The following RALY variants were observed in gnomAD, a reference collection of about 807,000 sequenced individuals.
The protein encoded by RALY is RNA-binding protein Raly.
Under a neutral mutation model 30.7 loss-of-function variants are expected in RALY, and 15 were observed. The observed-to-expected ratio is 0.49, with a 90% CI of 0.33 to 0.75. RALY has a LOEUF of 0.75. Ranked by LOEUF, RALY falls within the 30% of genes least tolerant of loss-of-function variation. RALY has a pLI of 0.02. For synonymous variants in RALY, 177 were observed against 170.8 expected, an observed-to-expected ratio of 1.04 and a Z score of -0.28; for missense variants, 339 against 414.3, an observed-to-expected ratio of 0.82 and a Z score of 1.58.
chr20:34,048,222 T>C (rs2032951448), intron 2 of RALY, among the ~76,000 whole-genome samples: 1 of 152,164 alleles, frequency 6.6e-6, no homozygotes, highest in Non-Finnish European at 1.5e-5. Context: ...TCACCTACGA[T>C]TTATTCTTGG....
At chr20:33,997,057 G>C (rs2030668189) in intron 1 of RALY, among the ~76,000 whole-genome samples, 1 of 152,132 alleles carries the variant, frequency 6.6e-6, no homozygotes, top group Admixed American at 6.5e-5. Context: ...TTGATGTTCT[G>C]TATCACTGAA....
chr20:34,048,406 T>C (rs2032958972), intron 2 of RALY, among the ~76,000 whole-genome samples: 1 of 152,142 alleles, frequency 6.6e-6, no homozygotes, highest in Admixed American at 6.5e-5. Flanking sequence ...CTAAGTCTCA[T>C]ATGCTTTTAA....
At chr20:34,077,338 C>T in intron 8 of RALY, 93 bp downstream of exon 8, 1 of 1,566,370 alleles carries the variant, frequency 6.4e-7, no homozygotes, top group Non-Finnish European at 8.7e-7. Context: ...CTGGTTGCCC[C>T]CACTGTGAAC....
At chr20:34,013,019 C>T (rs533631882) in intron 1 of RALY, among the ~76,000 whole-genome samples, 1 of 152,316 alleles carries the variant, frequency 6.6e-6, no homozygotes, top group South Asian at 2.1e-4. Flanking sequence ...AGTCTGTTTT[C>T]ACTTTCAGTA....
At chr20:34,072,959 T>TGTGTGTGTGTGTGA (rs142692706) in intron 3 of RALY, among the ~76,000 whole-genome samples, 3 of 148,892 alleles carry the variant, frequency 2.0e-5, no homozygotes, top group African/African-American at 7.5e-5. Context: ...TGTGTGTGTG[T>TGTGTGTGTGTGTGA]GAGAGAGAGA....
chr20:34,034,810 G>T (rs2032416769), intron 2 of RALY, among the ~76,000 whole-genome samples: 1 of 152,264 alleles, frequency 6.6e-6, no homozygotes, highest in Non-Finnish European at 1.5e-5. Flanking sequence ...CCATCTAGGG[G>T]TGAGAGCTGA....
At chr20:33,996,082 A>G (rs1235480881) in intron 1 of RALY, among the ~76,000 whole-genome samples, 3 of 152,216 alleles carry the variant, frequency 2.0e-5, no homozygotes, top group Non-Finnish European at 4.4e-5. Flanking sequence ...ATACTCTTCC[A>G]TAACCATTAT....
At chr20:34,049,470 C>A (rs529579456) in intron 2 of RALY, among the ~76,000 whole-genome samples, 4 of 152,256 alleles carry the variant, frequency 2.6e-5, no homozygotes, top group Admixed American at 6.5e-5. Context: ...TAATTAAGAA[C>A]CCCTGTAGTA....
chr20:34,026,565 A>G (rs4911144), intron 1 of RALY, among the ~76,000 whole-genome samples: 111,403 of 150,198 alleles, frequency 0.74, 41,743 homozygotes, highest in South Asian at 0.85. Flanking sequence ...AGCCATGCCC[A>G]GCTAATTTTT....
At chr20:34,070,780 C>T (rs1056422538) in intron 2 of RALY, among the ~76,000 whole-genome samples, 1 of 152,170 alleles carries the variant, frequency 6.6e-6, no homozygotes, top group Non-Finnish European at 1.5e-5. Context: ...TTGTATACCA[C>T]CCTTAGCCAC....
intron 2 of RALY, among the ~76,000 whole-genome samples, chr20:34,032,937 T>A (rs2032340552): frequency 6.6e-6 from 1 of 152,110 alleles, no homozygotes; most frequent in Admixed American, 6.6e-5. Context: ...TAGGGGTCCC[T>A]CTGAGCAGTG....
intron 5 of RALY, among the ~76,000 whole-genome samples, 164 bp from the exon 6 acceptor site, chr20:34,075,710 G>A (rs902453357): frequency 5.3e-5 from 8 of 152,122 alleles, no homozygotes; most frequent in East Asian, 1.9e-4. Context: ...ATCAGGGTCC[G>A]GCAAGCCCTT....
intron 2 of RALY, among the ~76,000 whole-genome samples, chr20:34,063,948 C>T (rs1012065466): frequency 2.6e-5 from 4 of 151,872 alleles, no homozygotes; most frequent in African/African-American, 9.7e-5. Flanking sequence ...TGGTAGATGT[C>T]GCCTGCTGGA....
intron 2 of RALY, among the ~76,000 whole-genome samples, chr20:34,069,485 C>G (rs1468483122): frequency 6.6e-6 from 1 of 152,180 alleles, no homozygotes; most frequent in South Asian, 2.1e-4. Context: ...GCTTGGTTGA[C>G]TCCCTCTAGC....
chr20:34,053,551 C>T (rs1324553728), intron 2 of RALY, among the ~76,000 whole-genome samples: 2 of 151,884 alleles, frequency 1.3e-5, no homozygotes, highest in Admixed American at 1.3e-4. Context: ...ACATGTACCA[C>T]CATGCCCGGC....
intron 2 of RALY, among the ~76,000 whole-genome samples, chr20:34,071,167 A>G (rs960057023): frequency 6.6e-6 from 1 of 152,188 alleles, no homozygotes; most frequent in Non-Finnish European, 1.5e-5. Flanking sequence ...ACAATTAGAC[A>G]TGAGATTTGG....
At chr20:34,013,413 CAAAAAAAAAAAAAA>C (rs34859292) in intron 1 of RALY, among the ~76,000 whole-genome samples, 15,744 of 85,426 alleles carry the variant, frequency 0.18, 2,897 homozygotes, top group African/African-American at 0.47. Context: ...GACCTTGTCT[CAAAAAAAAAAAAAA>C]AAAAAAAAAG....
chr20:34,023,529 A>G (rs1284748065), intron 1 of RALY, among the ~76,000 whole-genome samples: 2 of 152,106 alleles, frequency 1.3e-5, no homozygotes, highest in African/African-American at 4.8e-5. Context: ...GACAATGGCC[A>G]TTGGTGGGGA....
intron 1 of RALY, among the ~76,000 whole-genome samples, chr20:34,025,214 G>C (rs1010829623): frequency 6.6e-6 from 1 of 152,134 alleles, no homozygotes; most frequent in African/African-American, 2.4e-5. Flanking sequence ...TGGTGCCTTG[G>C]TTGCCACCCC....
Sources: gnomAD v4.1 joint callset for allele counts (sites outside exome capture counted in the v4.1 genomes callset) on GRCh38, gnomAD v4.1.1 for gene constraint, MANE v1.5 for transcripts, NCBI Gene and HGNC (gene_info 2026-07-23, HGNC 2026-07-21) for gene names.